Variants in PPP2R3A observed in about 807,000 individuals in gnomAD.
PPP2R3A encodes the protein serine/threonine-protein phosphatase 2A regulatory subunit B'' subunit alpha.
A neutral mutation model predicts 106.9 loss-of-function variants in PPP2R3A; 80 were observed. That is an observed-to-expected ratio of 0.75 (90% CI 0.62 to 0.90). The LOEUF (loss-of-function observed/expected upper bound fraction) is 0.90. Among genes scored for constraint, PPP2R3A ranks in the 40% least tolerant of loss-of-function variants. The pLI, the probability that PPP2R3A is intolerant of heterozygous loss-of-function variation, is 0.00. For missense variants in PPP2R3A, 1,386 were observed against 1,350.4 expected (o/e 1.03, Z -0.41); for synonymous variants, 483 against 468.3 (o/e 1.03, Z -0.41).
chr3:135,986,862 C>A (rs1576412896), intron 1 of PPP2R3A, among the ~76,000 whole-genome samples: 1 of 152,238 alleles, frequency 6.6e-6, no homozygotes, highest in East Asian at 1.9e-4. Flanking sequence ...CTTGACTCCA[C>A]TTTCCACTCT....
At chr3:136,020,784 GTGTGA>G (rs1350743648) in intron 2 of PPP2R3A, among the ~76,000 whole-genome samples, 1 of 152,114 alleles carries the variant, frequency 6.6e-6, no homozygotes, top group Non-Finnish European at 1.5e-5. Flanking sequence ...ACAAATCTGT[GTGTGA>G]TGGGCATTAG....
intron 5 of PPP2R3A, among the ~76,000 whole-genome samples, chr3:136,056,462 T>C (rs932665440): frequency 1.4e-5 from 2 of 140,954 alleles, no homozygotes; most frequent in African/African-American, 5.6e-5. Context: ...TTAATTTTTT[T>C]ATAAACCTAA....
intron 13 of PPP2R3A, among the ~76,000 whole-genome samples, chr3:136,139,509 A>G (rs1410455081): frequency 1.3e-5 from 2 of 152,110 alleles, no homozygotes; most frequent in South Asian, 4.2e-4. Context: ...CCTAGCCAAC[A>G]TGGTGAAACC....
chr3:135,968,623 A>C (rs1376273016), intron 1 of PPP2R3A, among the ~76,000 whole-genome samples: 1 of 151,506 alleles, frequency 6.6e-6, no homozygotes, highest in East Asian at 1.9e-4. Context: ...AACCACCAGA[A>C]CTTAAGACCG....
rs1937911624 is a variant in PPP2R3A at position 136,119,568 on chromosome 3, CAAAAG to C, written c.3329+13249_3329+13253del. Among the ~76,000 whole-genome samples, 7 of 152,238 alleles carry C rather than the reference CAAAAG, an allele frequency of 4.6e-5. No individual in the cohort carries two copies. In the South Asian group the frequency reaches 1.5e-3, roughly 32 times the overall value. On this transcript the variant is annotated intron_variant, in intron 13 of 13. Transcript: ENST00000264977. ...GTGAAGGATATGAACAGACACTTCT[CAAAAG>C]AAGACATTTATGCAGCCAACAAACA... is the stretch of plus-strand genomic sequence containing the variant.
At chr3:136,061,078 C>G (rs1936060098) in intron 5 of PPP2R3A, among the ~76,000 whole-genome samples, 1 of 151,774 alleles carries the variant, frequency 6.6e-6, no homozygotes, top group African/African-American at 2.4e-5. Context: ...AATGCTGATA[C>G]AAGAAAAAGC....
chr3:136,138,695 A>ATTTTTTTTTTTTTTTTTTTTTTTTTTTT (rs747811648), intron 13 of PPP2R3A, among the ~76,000 whole-genome samples: 4 of 50,638 alleles, frequency 7.9e-5, no homozygotes, highest in African/African-American at 1.8e-4. Flanking sequence ...GAAATATTGA[A>ATTTTTTTTTTTTTTTTTTTTTTTTTTTT]TTTTTTTTTT....
chr3:136,109,875 T>C (rs1937568799), intron 13 of PPP2R3A, among the ~76,000 whole-genome samples: 1 of 152,048 alleles, frequency 6.6e-6, no homozygotes, highest in Admixed American at 6.6e-5. Context: ...ATAAAATAAT[T>C]AGACAGGTAA....
chr3:136,036,105 A>T (rs1935076905), intron 3 of PPP2R3A, among the ~76,000 whole-genome samples: 1 of 151,888 alleles, frequency 6.6e-6, no homozygotes, highest in Non-Finnish European at 1.5e-5. Context: ...TATTTCCTTG[A>T]ATATTTTTCC....
At chr3:136,122,959 G>A (rs1177508560) in intron 13 of PPP2R3A, among the ~76,000 whole-genome samples, 1 of 152,132 alleles carries the variant, frequency 6.6e-6, no homozygotes, top group Admixed American at 6.6e-5. Flanking sequence ...AATATATTTT[G>A]TAGTTTGGGG....
intron 1 of PPP2R3A, among the ~76,000 whole-genome samples, chr3:135,992,994 T>C (rs907814864): frequency 5.9e-5 from 9 of 152,130 alleles, no homozygotes; most frequent in African/African-American, 2.2e-4. Flanking sequence ...TTTTCAACTA[T>C]AAAGCCATTG....
At chr3:136,127,029 A>G (rs1255137581) in intron 13 of PPP2R3A, among the ~76,000 whole-genome samples, 1 of 152,214 alleles carries the variant, frequency 6.6e-6, no homozygotes, top group Non-Finnish European at 1.5e-5. Context: ...ATCAAAGACC[A>G]AAGGTAGATA....
At chr3:136,097,755 C>G (rs1937249211) in intron 10 of PPP2R3A, among the ~76,000 whole-genome samples, 1 of 151,996 alleles carries the variant, frequency 6.6e-6, no homozygotes, top group East Asian at 1.9e-4. Context: ...TTTCAAGACA[C>G]AAAGAGATCT....
At chr3:136,031,863 G>A (rs921980188) in intron 3 of PPP2R3A, among the ~76,000 whole-genome samples, 4 of 152,138 alleles carry the variant, frequency 2.6e-5, no homozygotes, top group African/African-American at 4.8e-5. Flanking sequence ...ACTGGTCTAT[G>A]TGCCTATTTT....
At chr3:136,057,076 C>CT (rs935977920) in intron 5 of PPP2R3A, among the ~76,000 whole-genome samples, 4 of 136,914 alleles carry the variant, frequency 2.9e-5, no homozygotes, top group Non-Finnish European at 6.8e-5. Context: ...AGGACCCCCC[C>CT]CACACACACC....
rs1448051174 is a variant in PPP2R3A at position 136,145,517 on chromosome 3, GT to G, written c.*352del. ...CCTCTGTGTTGGCTGGCATCCCTGAGTCCCCTCCGGGCTCCTATGGAGCCTA... is the reference window on the plus strand; with the variant it reads ...CCTCTGTGTTGGCTGGCATCCCTGAGCCCCTCCGGGCTCCTATGGAGCCTA... On this transcript the variant is annotated 3_prime_UTR_variant, in exon 14 of 14. Coordinates refer to ENST00000264977, the MANE Select transcript of PPP2R3A (RefSeq NM_002718.5). The G allele has an allele frequency of 1.9e-5, 3 of 155,368 alleles. No homozygotes were observed. The highest frequency in any genetic ancestry group is 7.2e-5 in the African/African-American group (3 of 41,496). 9.6% of individuals were successfully genotyped at this position (155,368 alleles called of 1,614,324 possible). A position where few individuals can be genotyped will look rare whatever the true frequency, so the allele number is the denominator to read the frequency against.
chr3:136,095,703 C>T (rs1234831954), intron 10 of PPP2R3A, among the ~76,000 whole-genome samples: 3 of 152,054 alleles, frequency 2.0e-5, no homozygotes, highest in Non-Finnish European at 4.4e-5. Flanking sequence ...CAAAATTAGG[C>T]CAATTATATA....
In PPP2R3A at chr3:136,031,812, G is replaced by C. The variant is rs114106186; in HGVS notation, c.2262+4714G>C. On this transcript the variant is annotated intron_variant, in intron 3 of 13. Transcript: ENST00000264977. ...TTACCTTGTCAAAGATCAGTTGGCTGTAAGTATTGGGCTTTATCTCTGTGT... is the reference window on the plus strand; with the variant it reads ...TTACCTTGTCAAAGATCAGTTGGCTCTAAGTATTGGGCTTTATCTCTGTGT... Among the ~76,000 whole-genome samples the C allele has an allele frequency of 3.7e-3, 557 of 152,282 alleles. 2 individuals are homozygous for C. The highest frequency in any genetic ancestry group is 7.3e-3 in the South Asian group (35 of 4,818).
intron 1 of PPP2R3A, among the ~76,000 whole-genome samples, chr3:135,974,705 G>A: frequency 6.6e-6 from 1 of 152,318 alleles, no homozygotes; most frequent in East Asian, 1.9e-4. Context: ...GGGTAAAAGG[G>A]AGGGGTATCC....
Sources: allele counts gnomAD v4.1 joint callset (sites outside exome capture counted in the v4.1 genomes callset), GRCh38; gene constraint gnomAD v4.1.1; transcripts MANE v1.5; gene names NCBI Gene and HGNC (gene_info 2026-07-23, HGNC 2026-07-21).